Variants in LRBA observed in about 807,000 individuals in gnomAD.
LRBA encodes the protein LPS responsive beige-like anchor protein, also known as lipopolysaccharide-responsive and beige-like anchor protein.
Under a neutral mutation model 330.0 loss-of-function variants are expected in LRBA, and 176 were observed. That is an observed-to-expected ratio of 0.53 (90% confidence interval 0.47 to 0.60). The LOEUF (loss-of-function observed/expected upper bound fraction) is 0.60, where lower values mean the gene tolerates loss of function less well. LRBA is among the 20% of genes least tolerant of loss of function. The pLI is 0.00. For synonymous variants in LRBA, 1,230 were observed against 1,193.0 expected (o/e 1.03, Z -0.64); for missense variants, 3,259 against 3,444.8 (o/e 0.95, Z 1.35).
chr4:150,347,146 C>T lies in LRBA; in HGVS notation c.7362+2846G>A, dbSNP rs77989564. On this transcript the variant is annotated intron_variant, in intron 48 of 56. Coordinates refer to ENST00000651943, the MANE Select transcript of LRBA (RefSeq NM_001364905.1). ...AGACAAATGTTGCAGCATTCCACTTCTATGAGGTATTCAGGGTAGTCAAAT... is the reference window on the plus strand; with the variant it reads ...AGACAAATGTTGCAGCATTCCACTTTTATGAGGTATTCAGGGTAGTCAAAT... 2.5e-3 allele frequency among the ~76,000 whole-genome samples: 379 copies of T among 152,304 alleles called. 1 individual carries two copies. The highest frequency in any genetic ancestry group is 4.3e-3 in the Admixed American group (66 of 15,294).
At chr4:150,866,786 A>G (rs1252466412) in intron 22 of LRBA, among the ~76,000 whole-genome samples, 1 of 152,218 alleles carries the variant, frequency 6.6e-6, no homozygotes, top group Non-Finnish European at 1.5e-5. Flanking sequence ...ATATGGGTCA[A>G]TGTGGATGAA....
chr4:150,875,262 G>A lies in LRBA; in HGVS notation c.2166-2507C>T, dbSNP rs77906310. Among the ~76,000 whole-genome samples the A allele has an allele frequency of 2.0e-3, 305 of 152,312 alleles. 9 individuals are homozygous for A. In the East Asian group the frequency reaches 0.056, roughly 28 times the overall value. On this transcript the variant is annotated intron_variant, in intron 17 of 56. Coordinates refer to ENST00000651943, the MANE Select transcript of LRBA (RefSeq NM_001364905.1). ...CCACCATTCCGGTGCAGAAATCCTGGTGTAGGAGACCCTCTCCATTTCACA... is the reference window on the plus strand; with the variant it reads ...CCACCATTCCGGTGCAGAAATCCTGATGTAGGAGACCCTCTCCATTTCACA...
chr4:150,787,677 A>G (rs1465973411), intron 34 of LRBA, among the ~76,000 whole-genome samples: 1 of 152,092 alleles, frequency 6.6e-6, no homozygotes, highest in Non-Finnish European at 1.5e-5. Flanking sequence ...ATCTAATTAT[A>G]CTTTTTTCAT....
Position 150,479,227 on chromosome 4 carries a change from T to C in LRBA, c.6552-7488A>G, listed in dbSNP as rs183833938. On this transcript the variant is annotated intron_variant, in intron 42 of 56. Coordinates refer to ENST00000651943, the MANE Select transcript of LRBA (RefSeq NM_001364905.1). ...CCAGCAGATTGAGCTGCCGTGATTG[T>C]ACCACTGCACTCCAGCACTCCAGCC... 2.9e-3 allele frequency among the ~76,000 whole-genome samples: 437 copies of C among 152,104 alleles called. 2 individuals carry two copies. The highest frequency in any genetic ancestry group is 0.01 in the African/African-American group (420 of 41,500).
chr4:150,422,797 T>C, intron 46 of LRBA: 1 of 1,469,576 alleles, frequency 6.8e-7, no homozygotes, highest in Non-Finnish European at 9.5e-7. Flanking sequence ...TAGACCTGCA[T>C]GTGCTGCGGT....
At chr4:150,372,560 CAAAAAAA>C (rs70937396) in intron 47 of LRBA, among the ~76,000 whole-genome samples, 1 of 101,670 alleles carries the variant, frequency 9.8e-6, no homozygotes, top group African/African-American at 3.7e-5. Flanking sequence ...ATCCCATCTC[CAAAAAAA>C]AAAAAAAAAA....
intron 40 of LRBA, among the ~76,000 whole-genome samples, chr4:150,557,708 G>C (rs1581666898): frequency 6.6e-6 from 1 of 152,084 alleles, no homozygotes; most frequent in African/African-American, 2.4e-5. Context: ...GGGGTTACAG[G>C]TTTTAGGAAG....
At chr4:150,548,706 T>C (rs1168322066) in intron 40 of LRBA, among the ~76,000 whole-genome samples, 1 of 152,218 alleles carries the variant, frequency 6.6e-6, no homozygotes, top group Non-Finnish European at 1.5e-5. Context: ...GGAACCTGTA[T>C]CACAACTCAA....
At chr4:150,315,477 G>C (rs757939402) in intron 51 of LRBA, 84 bp downstream of exon 51, 1 of 1,128,198 alleles carries the variant, frequency 8.9e-7, no homozygotes, top group East Asian at 2.4e-5. Context: ...CCAGCAACCA[G>C]CAAGTGAAAA....
intron 37 of LRBA, among the ~76,000 whole-genome samples, chr4:150,629,258 C>A (rs1371917453): frequency 6.6e-6 from 1 of 152,196 alleles, no homozygotes; most frequent in Admixed American, 6.5e-5. Context: ...AATACTGTTT[C>A]TTTAGAACTA....
intron 40 of LRBA, among the ~76,000 whole-genome samples, chr4:150,531,468 C>T (rs1764048435): frequency 6.6e-6 from 1 of 152,264 alleles, no homozygotes; most frequent in South Asian, 2.1e-4. Context: ...TTATTGCTTT[C>T]CTTTGTCCTT....
At chr4:150,927,696 ACT>A (rs574884958) in intron 4 of LRBA, among the ~76,000 whole-genome samples, 167 of 152,254 alleles carry the variant, frequency 1.1e-3, no homozygotes, top group Non-Finnish European at 1.7e-3. Flanking sequence ...AGAAGCAAAA[ACT>A]CTAAGAAGAT....
chr4:150,761,430 A>C (rs1166447923), intron 35 of LRBA, among the ~76,000 whole-genome samples: 2 of 152,058 alleles, frequency 1.3e-5, no homozygotes, highest in East Asian at 1.9e-4. Context: ...AAGAAAGATA[A>C]TATAGACATC....
At chr4:150,531,533 C>G (rs574606969) in intron 40 of LRBA, among the ~76,000 whole-genome samples, 3 of 152,120 alleles carry the variant, frequency 2.0e-5, no homozygotes, top group Non-Finnish European at 4.4e-5. Flanking sequence ...CCCCACTAGA[C>G]TATAAGCTCA....
intron 40 of LRBA, among the ~76,000 whole-genome samples, chr4:150,533,743 T>C (rs995096502): frequency 3.3e-5 from 5 of 152,148 alleles, no homozygotes; most frequent in Admixed American, 2.0e-4. Context: ...CCCATTCCAG[T>C]GTGCTCAACT....
chr4:150,715,709 A>ACAGACACTTGC (rs1728096290), intron 36 of LRBA, among the ~76,000 whole-genome samples: 1 of 152,230 alleles, frequency 6.6e-6, no homozygotes, highest in Admixed American at 6.5e-5. Flanking sequence ...TTGGTGAGTT[A>ACAGACACTTGC]CAGACACTTG....
intron 2 of LRBA, chr4:150,970,825 T>C (rs1739506451): frequency 1.4e-5 from 2 of 145,584 alleles, no homozygotes; most frequent in Non-Finnish European, 2.9e-5. Flanking sequence ...TCCATCAGAC[T>C]GTAAGCTTCT....
intron 37 of LRBA, among the ~76,000 whole-genome samples, chr4:150,609,037 G>A (rs1323120277): frequency 6.6e-6 from 1 of 152,058 alleles, no homozygotes; most frequent in Admixed American, 6.5e-5. Context: ...CCATTTTGTG[G>A]GGATCTTTGG....
At chr4:151,000,717 T>C (rs748670499) in intron 2 of LRBA, among the ~76,000 whole-genome samples, 1 of 152,214 alleles carries the variant, frequency 6.6e-6, no homozygotes, top group Non-Finnish European at 1.5e-5. Context: ...GTCAAGGGCT[T>C]CAAGATGGCT....
Sources: gnomAD v4.1 joint callset for allele counts (sites outside exome capture counted in the v4.1 genomes callset) on GRCh38, gnomAD v4.1.1 for gene constraint, MANE v1.5 for transcripts, NCBI Gene and HGNC (gene_info 2026-07-23, HGNC 2026-07-21) for gene names.